LRRN2: variants seen among roughly 807,000 people sequenced by gnomAD.
LRRN2 encodes leucine rich repeat neuronal 2.
A neutral mutation model predicts 35.7 loss-of-function variants in LRRN2; 10 were observed. That is an observed-to-expected ratio of 0.28 (90% confidence interval 0.17 to 0.47). The LOEUF is 0.47. Among genes scored for constraint, LRRN2 ranks in the 20% least tolerant of loss-of-function variants. The probability of loss-of-function intolerance (pLI) is 0.99; values close to 1 mark genes in which losing one functional copy is unlikely to be tolerated. For missense variants in LRRN2, 731 were observed against 940.3 expected (o/e 0.78, Z 2.91); for synonymous variants, 391 against 409.6 (o/e 0.95, Z 0.55).
chr1:204,679,897 G>C (rs1381831137), intron 1 of LRRN2, among the ~76,000 whole-genome samples: 1 of 152,242 alleles, frequency 6.6e-6, no homozygotes, highest in Admixed American at 6.5e-5. Context: ...AGGTCACAGA[G>C]ACCCTCTCTG....
At chr1:204,669,383 T>C (rs996965700) in intron 1 of LRRN2, among the ~76,000 whole-genome samples, 1 of 152,218 alleles carries the variant, frequency 6.6e-6, no homozygotes, top group African/African-American at 2.4e-5. Flanking sequence ...ATCCCAAGAT[T>C]TTCTGAAGCC....
At chr1:204,639,457 AC>A (rs60168297) in intron 1 of LRRN2, among the ~76,000 whole-genome samples, 101,989 of 151,788 alleles carry the variant, frequency 0.67, 34,317 homozygotes, top group South Asian at 0.79. Context: ...AACAAGTGAG[AC>A]CCCCGTCTCT....
chr1:204,680,466 T>A (rs1668923130), intron 1 of LRRN2, among the ~76,000 whole-genome samples: 1 of 152,178 alleles, frequency 6.6e-6, no homozygotes, highest in South Asian at 2.1e-4. Context: ...CAAACCTGGT[T>A]AAACTCACCT....
chr1:204,660,579 A>ACT (rs112179063), intron 1 of LRRN2, among the ~76,000 whole-genome samples: 2,474 of 95,140 alleles, frequency 0.026, 42 homozygotes, highest in East Asian at 0.098. Context: ...ACACACACAC[A>ACT]CTCTCTCTCT....
At chr1:204,637,391 C>T (rs1402017916) in intron 1 of LRRN2, among the ~76,000 whole-genome samples, 2 of 152,196 alleles carry the variant, frequency 1.3e-5, no homozygotes, top group East Asian at 1.9e-4. Flanking sequence ...TTGTACAGTG[C>T]ACCAGGGGAG....
intron 1 of LRRN2, among the ~76,000 whole-genome samples, chr1:204,638,402 CTT>C (rs971289134): frequency 1.3e-4 from 9 of 71,674 alleles, no homozygotes; most frequent in East Asian, 4.1e-4. Flanking sequence ...CAAGGTCTTC[CTT>C]TTTTTTTTTT....
chr1:204,637,309 ATCTAGCCCAATGCTT>A (rs1667859040), intron 1 of LRRN2, among the ~76,000 whole-genome samples: 1 of 152,348 alleles, frequency 6.6e-6, no homozygotes, highest in East Asian at 1.9e-4. Context: ...AACCAATCAG[ATCTAGCCCAATGCTT>A]TCTAGCCCAA....
intron 1 of LRRN2, among the ~76,000 whole-genome samples, chr1:204,683,234 G>C (rs1668991964): frequency 1.3e-5 from 2 of 152,188 alleles, no homozygotes; most frequent in Non-Finnish European, 2.9e-5. Flanking sequence ...AGTCAACAGT[G>C]CATGTGCTCC....
intron 1 of LRRN2, among the ~76,000 whole-genome samples, chr1:204,678,869 C>G (rs1448773393): frequency 6.6e-6 from 1 of 152,192 alleles, no homozygotes; most frequent in East Asian, 1.9e-4. Context: ...TCCAATGTGC[C>G]ATTTCCTTTA....
intron 1 of LRRN2, among the ~76,000 whole-genome samples, chr1:204,671,370 T>C (rs183221855): frequency 6.7e-6 from 1 of 150,162 alleles, no homozygotes; most frequent in Non-Finnish European, 1.5e-5. Flanking sequence ...TTGGTGATGG[T>C]GAGTTTGTAG....
intron 1 of LRRN2, among the ~76,000 whole-genome samples, chr1:204,632,523 G>A (rs1334539170): frequency 6.6e-6 from 1 of 151,756 alleles, no homozygotes; most frequent in African/African-American, 2.4e-5. Flanking sequence ...CAGCTTCTCA[G>A]GAGGCTGAGG....
Position 204,619,080 on chromosome 1 carries a change from C to A in LRRN2, c.913G>T (p.Ala305Ser), listed in dbSNP as rs1666636545. 2 of 1,606,608 alleles carry A rather than the reference C, an allele frequency of 1.2e-6. No individual in the cohort carries two copies. Among genetic ancestry groups the A allele is most frequent in the Non-Finnish European group, 1.7e-6 (2 of 1,175,380 alleles). ...GTCAGCTCGGGGAGGTTCACCAGGG[C>A]AAACTTGTCGATGGAGACCAGCTCC... ...MEELVSIDKF[A>S]LVNLPELTKL... Residue 305 changes from alanine to serine, a missense_variant, in exon 2 of 2, where the codon GCC becomes TCC. Physicochemically the swap from Ala to Ser is moderately conservative, Grantham distance 99. Coordinates refer to ENST00000367177, the MANE Select transcript of LRRN2 (RefSeq NM_201630.2).
chr1:204,631,261 TATATATATATATATATA>T (rs1214897419), intron 1 of LRRN2, among the ~76,000 whole-genome samples: 4 of 37,314 alleles, frequency 1.1e-4, no homozygotes, highest in Admixed American at 4.8e-4. Context: ...GTGTTCTATA[TATATATATATATATATA>T]TATATATATA....
chr1:204,659,346 T>A (rs1032837109), intron 1 of LRRN2, among the ~76,000 whole-genome samples: 2 of 152,102 alleles, frequency 1.3e-5, no homozygotes, highest in East Asian at 1.9e-4. Flanking sequence ...CAGGGAGCAG[T>A]CCCTGGAGAC....
intron 1 of LRRN2, among the ~76,000 whole-genome samples, chr1:204,685,027 C>G (rs557759442): frequency 8.5e-4 from 129 of 152,264 alleles, no homozygotes; most frequent in Non-Finnish European, 1.4e-3. Flanking sequence ...CGCCCTCTCC[C>G]TGGCCGCTTC....
intron 1 of LRRN2, among the ~76,000 whole-genome samples, chr1:204,633,481 T>C (rs1667759113): frequency 6.6e-6 from 1 of 152,186 alleles, no homozygotes; most frequent in Admixed American, 6.5e-5. Context: ...TCTTTATTTT[T>C]CCAGTGAGAG....
chr1:204,641,187 T>C (rs1667969214), intron 1 of LRRN2, among the ~76,000 whole-genome samples: 1 of 152,252 alleles, frequency 6.6e-6, no homozygotes, highest in Non-Finnish European at 1.5e-5. Context: ...TGTCCACAGC[T>C]GGCTATCCAA....
At chr1:204,630,050 T>C (rs1426025909) in intron 1 of LRRN2, among the ~76,000 whole-genome samples, 1 of 152,124 alleles carries the variant, frequency 6.6e-6, no homozygotes, top group Non-Finnish European at 1.5e-5. Flanking sequence ...CATGCAATTT[T>C]CCTCAGTAAC....
intron 1 of LRRN2, among the ~76,000 whole-genome samples, chr1:204,680,958 CTT>C (rs377718032): frequency 1.0e-4 from 15 of 143,426 alleles, no homozygotes; most frequent in Admixed American, 2.8e-4. Context: ...CAGAGAGTCA[CTT>C]TTTTTTTTTT....
Sources: allele counts gnomAD v4.1 joint callset (sites outside exome capture counted in the v4.1 genomes callset), GRCh38; gene constraint gnomAD v4.1.1; transcripts MANE v1.5; gene names NCBI Gene and HGNC (gene_info 2026-07-23, HGNC 2026-07-21).